KIF2A: variants seen among roughly 807,000 people sequenced by gnomAD.
The protein encoded by KIF2A is kinesin family member 2A, also known as kinesin-like protein KIF2A.
A neutral mutation model predicts 100.2 loss-of-function variants in KIF2A; 22 were observed. The ratio of observed to expected loss-of-function variants is 0.22; its 90% CI spans 0.16 to 0.31. The LOEUF is 0.31. Ranked by LOEUF, KIF2A falls within the 10% of genes least tolerant of loss-of-function variation. The pLI, the probability that KIF2A is intolerant of heterozygous loss-of-function variation, is 1.00. For missense variants in KIF2A, 495 were observed against 898.7 expected, an observed-to-expected ratio of 0.55 and a Z score of 5.74; for synonymous variants, 268 against 285.9, an observed-to-expected ratio of 0.94 and a Z score of 0.63.
chr5:62,329,626 G>A (rs528699574), intron 1 of KIF2A, among the ~76,000 whole-genome samples: 1 of 152,214 alleles, frequency 6.6e-6, no homozygotes, highest in East Asian at 1.9e-4. Flanking sequence ...GACTGTTAGT[G>A]TAGTTAACAT....
chr5:62,373,954 T>G (rs975408346), intron 18 of KIF2A, 117 bp downstream of exon 18: 2 of 814,136 alleles, frequency 2.5e-6, no homozygotes, highest in Admixed American at 2.5e-5. Context: ...GGCTCAAGCT[T>G]GTAATCTCAC....
rs145034873 is a variant in KIF2A at position 62,389,021 on chromosome 5, G to A, written c.*3452G>A. The stretch of plus-strand genomic sequence containing the variant: ...TGTTTTCCAAATACCTAGGAAAAAT[G>A]AATACCTTCTGCGTTGAATCCATGT... On this transcript the variant is annotated 3_prime_UTR_variant, in exon 21 of 21. Coordinates refer to ENST00000407818, the MANE Select transcript of KIF2A (RefSeq NM_001098511.3). 18 of 1,609,488 alleles carry A rather than the reference G, an allele frequency of 1.1e-5. No individual in the cohort carries two copies. The highest frequency in any genetic ancestry group is 1.3e-5 in the African/African-American group (1 of 74,488).
In KIF2A at chr5:62,306,332, C is replaced by T. The variant is rs1439969948; in HGVS notation, c.-141C>T. 2.9e-6 allele frequency: 2 copies of T among 679,840 alleles called. No individual in the cohort carries two copies. 42.1% of individuals were successfully genotyped at this position (679,840 alleles called of 1,614,324 possible). ...TTCCCCACAGCTGCTCCTTGCGGCC[C>T]CGCTTGCGTTCACGCTGTCGCCCGG... On this transcript the variant is annotated 5_prime_UTR_variant, in exon 1 of 21. Transcript: ENST00000407818.
Position 62,352,581 on chromosome 5 carries a change from C to A in KIF2A, c.335-7C>A. ...CTGAATTTAAAATTTTTTTTTTTTA[C>A]TTACAGTGGTTGGTTCAGCACGTGC... On this transcript the variant is annotated splice_region_variant and splice_polypyrimidine_tract_variant and intron_variant, in intron 4 of 20. Coordinates refer to ENST00000407818, the MANE Select transcript of KIF2A (RefSeq NM_001098511.3). 6.8e-7 allele frequency: 1 copy of A among 1,481,276 alleles called. No homozygotes were observed. The highest frequency in any genetic ancestry group is 9.0e-7 in the Non-Finnish European group (1 of 1,116,616). The allele number at this position is 1,481,276 out of a possible 1,614,324, so 91.8% of individuals were successfully genotyped here.
At chr5:62,361,579 T>G (rs1488878282) in intron 11 of KIF2A, 50 bp downstream of exon 11, 1 of 1,038,682 alleles carries the variant, frequency 9.6e-7, no homozygotes, top group East Asian at 2.4e-5. Context: ...GTGGTATTAT[T>G]CAGGTAACTT....
intron 16 of KIF2A, among the ~76,000 whole-genome samples, chr5:62,371,249 A>ATT (rs902009979): frequency 6.6e-6 from 1 of 152,144 alleles, no homozygotes; most frequent in Non-Finnish European, 1.5e-5. Context: ...GTGAGACCTT[A>ATT]TCTCAAAAAG....
intron 1 of KIF2A, among the ~76,000 whole-genome samples, chr5:62,312,642 GGTTAA>G (rs1442062684): frequency 2.0e-5 from 3 of 152,190 alleles, no homozygotes; most frequent in Non-Finnish European, 1.5e-5. Context: ...AACAAATACA[GGTTAA>G]GTTGTCTTCC....
chr5:62,359,428 C>T (rs1173910280), intron 9 of KIF2A, among the ~76,000 whole-genome samples: 1 of 150,704 alleles, frequency 6.6e-6, no homozygotes, highest in Non-Finnish European at 1.5e-5. Context: ...CTCTTTTTGT[C>T]TTCACCAAGT....
At chr5:62,323,227 G>A (rs1342624609) in intron 1 of KIF2A, among the ~76,000 whole-genome samples, 1 of 149,850 alleles carries the variant, frequency 6.7e-6, no homozygotes, top group African/African-American at 2.5e-5. Flanking sequence ...TTGCACTCCA[G>A]CCTGGGCAAC....
chr5:62,341,714 C>T (rs768093139), intron 1 of KIF2A, among the ~76,000 whole-genome samples: 1 of 151,866 alleles, frequency 6.6e-6, no homozygotes, highest in Non-Finnish European at 1.5e-5. Flanking sequence ...TCCACCGGCC[C>T]ACCTTTTTTT....
intron 20 of KIF2A, among the ~76,000 whole-genome samples, chr5:62,383,072 G>A (rs1353801585): frequency 2.0e-5 from 3 of 150,290 alleles, no homozygotes; most frequent in South Asian, 2.1e-4. Flanking sequence ...GATTACAGGC[G>A]TGTGCCACTG....
chr5:62,345,477 G>T (rs1747512945), intron 1 of KIF2A, among the ~76,000 whole-genome samples: 1 of 115,400 alleles, frequency 8.7e-6, no homozygotes, highest in Non-Finnish European at 1.8e-5. Context: ...TTGAGACTCT[G>T]TCTCAAAAAA....
At chr5:62,324,111 A>C (rs1279869157) in intron 1 of KIF2A, among the ~76,000 whole-genome samples, 1 of 152,206 alleles carries the variant, frequency 6.6e-6, no homozygotes, top group East Asian at 1.9e-4. Flanking sequence ...AATCTCATTT[A>C]CAGTAGCCAC....
At chr5:62,323,685 T>C (rs1034168034) in intron 1 of KIF2A, among the ~76,000 whole-genome samples, 1 of 152,286 alleles carries the variant, frequency 6.6e-6, no homozygotes, top group South Asian at 2.1e-4. Flanking sequence ...TGAAAATTAG[T>C]GAAGCTGAAT....
intron 1 of KIF2A, among the ~76,000 whole-genome samples, chr5:62,307,973 G>T (rs150981683): frequency 1.2e-4 from 18 of 152,276 alleles, no homozygotes; most frequent in African/African-American, 4.3e-4. Context: ...CTAGTCAGTA[G>T]TAACTTGGCT....
rs777689290 is a variant in KIF2A at position 62,358,195 on chromosome 5, A to G, written c.768A>G (p.Val256=). 4 of 1,602,276 alleles carry G rather than the reference A, an allele frequency of 2.5e-6. No individual in the cohort carries two copies. In the African/African-American group the frequency reaches 5.4e-5, roughly 22 times the overall value. Residue 256 remains valine (V), a synonymous_variant, in exon 9 of 21, where the codon GTA becomes GTG. Transcript: ENST00000407818. ...TTCCTAGTAAAGATGTTGTGATGGTACATGAACCAAAACAAAAAGTAGATT... is the reference window on the plus strand; with the variant it reads ...TTCCTAGTAAAGATGTTGTGATGGTGCATGAACCAAAACAAAAAGTAGATT... ...ITIPSKDVVM[V]HEPKQKVDLT...
At position 62,385,761 on chromosome 5, in the gene KIF2A, C is replaced by A; in HGVS notation, c.*192C>A. On this transcript the variant is annotated 3_prime_UTR_variant, in exon 21 of 21. Coordinates refer to ENST00000407818, the MANE Select transcript of KIF2A (RefSeq NM_001098511.3). ...AATGCTTCTAGTCCAGGAGGCACAA[C>A]CAAGAACTGGGATTAATGAAGCATT... 3.6e-6 allele frequency: 2 copies of A among 551,230 alleles called. No individual in the cohort carries two copies. The highest frequency in any genetic ancestry group is 2.6e-5 in the South Asian group (1 of 38,440). The allele number at this position is 551,230 out of a possible 1,614,324, so 34.1% of individuals were successfully genotyped here.
rs185335393 is a variant in KIF2A, at chr5:62,390,153, C to T, written c.*4584C>T. ...TTATTCAGCCTCTAGAACATGGAAG[C>T]TTTAAAAGTGAATTGGCTAAATAGG... On this transcript the variant is annotated 3_prime_UTR_variant, in exon 21 of 21. Transcript: ENST00000407818. Among the ~76,000 whole-genome samples the T allele has an allele frequency of 7.0e-4, 106 of 152,234 alleles. No homozygotes were observed. The South Asian group carries it at 8.5e-3, about 12-fold the overall frequency.
intron 1 of KIF2A, among the ~76,000 whole-genome samples, chr5:62,307,844 C>G (rs1345772105): frequency 2.6e-5 from 4 of 152,094 alleles, no homozygotes; most frequent in African/African-American, 9.7e-5. Flanking sequence ...TCTCGAACTC[C>G]TGACCTCAAG....
Sources: allele counts gnomAD v4.1 joint callset (sites outside exome capture counted in the v4.1 genomes callset), GRCh38; gene constraint gnomAD v4.1.1; transcripts MANE v1.5; gene names NCBI Gene and HGNC (gene_info 2026-07-23, HGNC 2026-07-21).